SHISA9: variants seen among roughly 807,000 people sequenced by gnomAD.
SHISA9 encodes protein shisa-9.
In SHISA9, 13 loss-of-function variants were observed where a neutral mutation model predicts 38.0. That is an observed-to-expected ratio of 0.34 (90% CI 0.22 to 0.54). The LOEUF is 0.54. Ranked by LOEUF, SHISA9 falls within the 20% of genes least tolerant of loss-of-function variation. The pLI, the probability that SHISA9 is intolerant of heterozygous loss-of-function variation, is 0.91. For missense variants in SHISA9, 538 were observed against 575.8 expected (o/e 0.93, Z 0.67); for synonymous variants, 275 against 242.0 (o/e 1.14, Z -1.27).
intron 2 of SHISA9, among the ~76,000 whole-genome samples, chr16:13,107,607 C>T (rs926521161): frequency 2.0e-5 from 3 of 151,956 alleles, no homozygotes; most frequent in South Asian, 2.1e-4. Context: ...GAAGAAGGCT[C>T]TTCAGGGGGA....
the SHISA9 span, among the ~76,000 whole-genome samples, chr16:13,409,388 G>A: frequency 6.6e-6 from 1 of 152,224 alleles, no homozygotes; most frequent in East Asian, 1.9e-4. Flanking sequence ...CAGAAAGGTG[G>A]AGGGTCCACT....
At chr16:13,209,340 A>G (rs1391174305) in intron 3 of SHISA9, among the ~76,000 whole-genome samples, 1 of 152,150 alleles carries the variant, frequency 6.6e-6, no homozygotes, top group Non-Finnish European at 1.5e-5. Flanking sequence ...TCTGATGGGA[A>G]AGACATACAT....
At chr16:13,455,597 A>G in the SHISA9 span, among the ~76,000 whole-genome samples, 5 of 152,206 alleles carry the variant, frequency 3.3e-5, no homozygotes, top group Admixed American at 6.5e-5. Context: ...GGAAATTGAT[A>G]ATTATGTTCA....
At chr16:13,336,233 C>T in the SHISA9 span, among the ~76,000 whole-genome samples, 1 of 152,180 alleles carries the variant, frequency 6.6e-6, no homozygotes, top group South Asian at 2.1e-4. Flanking sequence ...AGAAATAATA[C>T]TCATCCTTCT....
In SHISA9 at chr16:13,235,577, T is replaced by A; in HGVS notation, c.*168T>A. 1 of 868,904 alleles carries A rather than the reference T, an allele frequency of 1.2e-6. No individual in the cohort carries two copies. The highest frequency in any genetic ancestry group is 1.7e-6 in the Non-Finnish European group (1 of 586,826). The allele number at this position is 868,904 out of a possible 1,614,324, so 53.8% of individuals were successfully genotyped here. A position where few individuals can be genotyped will look rare whatever the true frequency, so the allele number is the denominator to read the frequency against. ...GACACAGAGTCGCGCTTTTCCTAGGTCATGCCTGTAACGTGTCGGCGGGCA... is the reference window on the plus strand; with the variant it reads ...GACACAGAGTCGCGCTTTTCCTAGGACATGCCTGTAACGTGTCGGCGGGCA... On this transcript the variant is annotated 3_prime_UTR_variant, in exon 5 of 5. Transcript: ENST00000558583.
rs80076596 is a variant in SHISA9 at position 12,927,922 on chromosome 16, G to A, written c.691+11107G>A. ...ATACCACACTTCTGGTTTCAAAGAT[G>A]ATTAAAAGTTAAAACAATTAGAAGA... On this transcript the variant is annotated intron_variant, in intron 2 of 4. Coordinates refer to ENST00000558583, the MANE Select transcript of SHISA9 (RefSeq NM_001145204.3). Among the ~76,000 whole-genome samples the A allele has an allele frequency of 8.7e-3, 1,320 of 152,282 alleles. 13 individuals are homozygous for A. The highest frequency in any genetic ancestry group is 0.03 in the African/African-American group (1,267 of 41,552).
the SHISA9 span, among the ~76,000 whole-genome samples, chr16:13,412,538 G>A: frequency 6.6e-6 from 1 of 151,406 alleles, no homozygotes; most frequent in African/African-American, 2.4e-5. Flanking sequence ...ACCTCTTGTG[G>A]TTCCTGACTT....
At chr16:13,298,631 C>T in the SHISA9 span, among the ~76,000 whole-genome samples, 2 of 152,160 alleles carry the variant, frequency 1.3e-5, no homozygotes, top group South Asian at 2.1e-4. Context: ...GACTCTAGGG[C>T]TTGAGCTTCT....
At chr16:13,341,808 G>A in the SHISA9 span, among the ~76,000 whole-genome samples, 6 of 152,246 alleles carry the variant, frequency 3.9e-5, 1 homozygote, top group South Asian at 4.1e-4. Context: ...CTATCTATAC[G>A]TAGCAGAGAC....
At chr16:12,964,074 C>T (rs187636497) in intron 2 of SHISA9, among the ~76,000 whole-genome samples, 2 of 152,292 alleles carry the variant, frequency 1.3e-5, no homozygotes, top group East Asian at 3.9e-4. Flanking sequence ...TTCATTAGAA[C>T]AAATTGCTGC....
At chr16:13,155,086 G>T (rs2050532413) in intron 2 of SHISA9, among the ~76,000 whole-genome samples, 1 of 152,230 alleles carries the variant, frequency 6.6e-6, no homozygotes, top group African/African-American at 2.4e-5. Flanking sequence ...TACTGGAGTA[G>T]AATGAACTGG....
intron 2 of SHISA9, among the ~76,000 whole-genome samples, chr16:13,079,757 A>G (rs185962135): frequency 6.6e-5 from 10 of 152,282 alleles, no homozygotes; most frequent in Non-Finnish European, 2.9e-5. Context: ...CAAAAATTCT[A>G]TTGTCATGAC....
intron 2 of SHISA9, among the ~76,000 whole-genome samples, chr16:12,931,252 G>A (rs1198389150): frequency 6.6e-6 from 1 of 152,154 alleles, no homozygotes; most frequent in East Asian, 1.9e-4. Context: ...TGTTATTGAA[G>A]TTGCCCATTT....
At chr16:13,320,177 G>A in the SHISA9 span, among the ~76,000 whole-genome samples, 1 of 150,574 alleles carries the variant, frequency 6.6e-6, no homozygotes, top group Non-Finnish European at 1.5e-5. Flanking sequence ...TGTAGTCCCA[G>A]CTACTCAGGA....
chr16:13,132,464 G>T lies in SHISA9; in HGVS notation c.692-70930G>T, dbSNP rs578212117. On this transcript the variant is annotated intron_variant, in intron 2 of 4. Transcript: ENST00000558583. ...ATACCTTTGGCATGACTGACATTTT[G>T]GACTGGATAATTCTTTGCTGTGGGG... is the stretch of plus-strand genomic sequence containing the variant. 6.5e-4 allele frequency among the ~76,000 whole-genome samples: 99 copies of T among 152,170 alleles called. No homozygotes were observed. In the South Asian group the frequency reaches 0.02, roughly 30 times the overall value.
chr16:13,485,825 A>T, the SHISA9 span, among the ~76,000 whole-genome samples: 1 of 152,194 alleles, frequency 6.6e-6, no homozygotes, highest in African/African-American at 2.4e-5. Context: ...GGTAACCAGC[A>T]TTCTACTCTC....
the SHISA9 span, among the ~76,000 whole-genome samples, chr16:13,354,750 G>T: frequency 6.6e-6 from 1 of 152,126 alleles, no homozygotes; most frequent in Admixed American, 6.5e-5. Flanking sequence ...TAAGAATTCT[G>T]ACTGCGCTAA....
At chr16:13,056,264 G>T (rs1034089325) in intron 2 of SHISA9, among the ~76,000 whole-genome samples, 6 of 152,194 alleles carry the variant, frequency 3.9e-5, no homozygotes, top group Non-Finnish European at 8.8e-5. Flanking sequence ...GTGTGCTGGG[G>T]GTGTATACTT....
At chr16:12,989,200 C>T (rs2072351890) in intron 2 of SHISA9, among the ~76,000 whole-genome samples, 1 of 147,542 alleles carries the variant, frequency 6.8e-6, no homozygotes, top group South Asian at 2.2e-4. Flanking sequence ...TGCTTTGTTT[C>T]CTTTTAGGCT....
Sources: gnomAD v4.1 joint callset for allele counts (sites outside exome capture counted in the v4.1 genomes callset) on GRCh38, gnomAD v4.1.1 for gene constraint, MANE v1.5 for transcripts, NCBI Gene and HGNC (gene_info 2026-07-23, HGNC 2026-07-21) for gene names.